The following HIPK2 variants were observed in gnomAD, a reference collection of about 807,000 sequenced individuals.
HIPK2 encodes homeodomain interacting protein kinase 2.
Under a neutral mutation model 113.7 loss-of-function variants are expected in HIPK2, and 27 were observed. The ratio of observed to expected loss-of-function variants is 0.24; its 90% confidence interval spans 0.17 to 0.33. The LOEUF is 0.33. HIPK2 is among the 10% of genes least tolerant of loss of function. The pLI is 1.00. For missense variants in HIPK2, 1,257 were observed against 1,588.0 expected (o/e 0.79, Z 3.54); for synonymous variants, 631 against 642.2 (o/e 0.98, Z 0.26).
At chr7:139,725,673 G>C (rs1026339501) in intron 1 of HIPK2, among the ~76,000 whole-genome samples, 1 of 152,140 alleles carries the variant, frequency 6.6e-6, no homozygotes, top group African/African-American at 2.4e-5. Context: ...TCTCTCACTG[G>C]CTGCCATCTA....
At chr7:139,717,305 T>G (rs570774830) in intron 1 of HIPK2, among the ~76,000 whole-genome samples, 1 of 152,346 alleles carries the variant, frequency 6.6e-6, no homozygotes, top group African/African-American at 2.4e-5. Flanking sequence ...CATTTTTTTT[T>G]GTAAACATTA....
intron 2 of HIPK2, among the ~76,000 whole-genome samples, chr7:139,656,759 C>T (rs1801684007): frequency 6.6e-6 from 1 of 152,180 alleles, no homozygotes; most frequent in South Asian, 2.1e-4. Flanking sequence ...CATTTGTGCA[C>T]ACCGCAATAC....
At chr7:139,728,692 C>G (rs1172981411) in intron 1 of HIPK2, among the ~76,000 whole-genome samples, 1 of 152,206 alleles carries the variant, frequency 6.6e-6, no homozygotes, top group African/African-American at 2.4e-5. Context: ...AGGGGGGAAA[C>G]ACAATTCAAC....
At chr7:139,723,724 A>G (rs191659020) in intron 1 of HIPK2, among the ~76,000 whole-genome samples, 1 of 152,370 alleles carries the variant, frequency 6.6e-6, no homozygotes, top group African/African-American at 2.4e-5. Context: ...TACAATAAAA[A>G]AAAATAAATT....
chr7:139,628,372 C>T (rs1800500107), intron 5 of HIPK2, among the ~76,000 whole-genome samples: 1 of 152,230 alleles, frequency 6.6e-6, no homozygotes. Context: ...GGCTGGAATT[C>T]TTCTCATGAT....
At chr7:139,733,151 C>T (rs1319847248) in intron 1 of HIPK2, among the ~76,000 whole-genome samples, 1 of 152,100 alleles carries the variant, frequency 6.6e-6, no homozygotes, top group Non-Finnish European at 1.5e-5. Flanking sequence ...CTGAGGCCTC[C>T]CCAGAAACTG....
At chr7:139,733,389 C>G (rs1341795928) in intron 1 of HIPK2, among the ~76,000 whole-genome samples, 2 of 152,224 alleles carry the variant, frequency 1.3e-5, no homozygotes, top group Non-Finnish European at 2.9e-5. Flanking sequence ...TTCTGCATCT[C>G]TTTTCCATGT....
chr7:139,705,620 G>C (rs1488977300), intron 2 of HIPK2, among the ~76,000 whole-genome samples: 1 of 151,912 alleles, frequency 6.6e-6, no homozygotes, highest in Admixed American at 6.6e-5. Flanking sequence ...CTCGTGATCC[G>C]CCCGCCTCGG....
At chr7:139,702,350 G>A (rs1224261615) in intron 2 of HIPK2, among the ~76,000 whole-genome samples, 2 of 152,286 alleles carry the variant, frequency 1.3e-5, no homozygotes, top group South Asian at 2.1e-4. Flanking sequence ...GTGGAGACAG[G>A]GAAGCATCCT....
chr7:139,773,613 G>T (rs1329869236), intron 1 of HIPK2, among the ~76,000 whole-genome samples: 1 of 152,220 alleles, frequency 6.6e-6, no homozygotes, highest in Non-Finnish European at 1.5e-5. Flanking sequence ...CTCTATGGGA[G>T]GAAGGGAGAG....
chr7:139,739,685 A>T (rs1796043151), intron 1 of HIPK2, among the ~76,000 whole-genome samples: 1 of 152,124 alleles, frequency 6.6e-6, no homozygotes, highest in Non-Finnish European at 1.5e-5. Flanking sequence ...GATTATCAGA[A>T]ACCCCATACC....
intron 2 of HIPK2, among the ~76,000 whole-genome samples, chr7:139,713,844 C>T (rs146683428): frequency 2.2e-4 from 33 of 152,344 alleles, no homozygotes; most frequent in South Asian, 4.1e-4. Context: ...GGCTGGTACC[C>T]GGGACGGCCA....
intron 9 of HIPK2, among the ~76,000 whole-genome samples, chr7:139,609,215 T>C (rs1213762556): frequency 2.0e-5 from 3 of 152,112 alleles, no homozygotes; most frequent in Non-Finnish European, 4.4e-5. Flanking sequence ...GAGGATGGAG[T>C]TGACAGCTCC....
rs1795223145 is a variant in HIPK2 at position 139,716,013 on chromosome 7, C to T, written c.1022G>A (p.Arg341Lys). 6.2e-7 allele frequency: 1 copy of T among 1,613,982 alleles called. No individual in the cohort carries two copies. The highest frequency in any genetic ancestry group is 1.3e-5 in the African/African-American group (1 of 74,904). ...TGAACCAAAGTCGATGACCTTGACTCTGTATGGTTGTCTAGATGGATCCAC... is the reference window on the plus strand; with the variant it reads ...TGAACCAAAGTCGATGACCTTGACTTTGTATGGTTGTCTAGATGGATCCAC... ...MLVDPSRQPY[R>K]VKVIDFGSAS... is the part of the protein sequence containing the mutation. Residue 341 changes from arginine (R) to lysine (K), a missense_variant, in exon 2 of 15, where the codon AGA (arginine) becomes AAA (lysine). Physicochemically the swap from Arg to Lys is conservative, Grantham distance 26. Transcript: ENST00000406875. This position sits in a 1 kb window ranked among gnomAD's most constrained non-coding sequence, Gnocchi z 9.3.
At chr7:139,755,611 G>A (rs887195191) in intron 1 of HIPK2, among the ~76,000 whole-genome samples, 3 of 152,078 alleles carry the variant, frequency 2.0e-5, no homozygotes, top group Non-Finnish European at 4.4e-5. Flanking sequence ...CTGTAAACAC[G>A]CTCAGAACTA....
intron 13 of HIPK2, among the ~76,000 whole-genome samples, chr7:139,577,091 T>C (rs972878657): frequency 6.6e-6 from 1 of 150,776 alleles, no homozygotes; most frequent in Admixed American, 6.6e-5. Context: ...ACTTTTGTAA[T>C]GGCAAAAGCA....
intron 2 of HIPK2, among the ~76,000 whole-genome samples, chr7:139,660,752 T>G (rs907299438): frequency 6.6e-6 from 1 of 152,190 alleles, no homozygotes; most frequent in Admixed American, 6.5e-5. Flanking sequence ...CTAGCCAGTC[T>G]AGATACGTAA....
At chr7:139,745,343 G>T (rs1211418301) in intron 1 of HIPK2, among the ~76,000 whole-genome samples, 1 of 152,168 alleles carries the variant, frequency 6.6e-6, no homozygotes, top group Non-Finnish European at 1.5e-5. Flanking sequence ...CAGGAATGAG[G>T]AGTTCTGGAT....
intron 2 of HIPK2, among the ~76,000 whole-genome samples, chr7:139,707,383 C>T (rs1005365016): frequency 2.4e-4 from 36 of 152,376 alleles, no homozygotes; most frequent in African/African-American, 7.0e-4. Context: ...CGTAAGACCC[C>T]GCAGGGGAGA....
Sources: gnomAD v4.1 joint callset for allele counts (sites outside exome capture counted in the v4.1 genomes callset) on GRCh38, gnomAD v4.1.1 for gene constraint, Gnocchi (gnomAD v3.1) non-coding constraint, MANE v1.5 for transcripts, NCBI Gene and HGNC (gene_info 2026-07-23, HGNC 2026-07-21) for gene names.